SYNGR1: variants seen among roughly 807,000 people sequenced by gnomAD.
The protein encoded by SYNGR1 is synaptogyrin 1, also known as synaptogyrin-1.
SYNGR1 carries 14 observed loss-of-function variants against 26.1 expected under a neutral mutation model. That is an observed-to-expected ratio of 0.54 (90% CI 0.35 to 0.84). The LOEUF is 0.84. Ranked by LOEUF, SYNGR1 falls within the 40% of genes least tolerant of loss-of-function variation. The pLI is 0.01. For missense variants in SYNGR1, 319 were observed against 332.9 expected, an observed-to-expected ratio of 0.96 and a Z score of 0.33; for synonymous variants, 141 against 150.1, an observed-to-expected ratio of 0.94 and a Z score of 0.44.
chr22:39,376,030 G>A (rs1349262091), intron 2 of SYNGR1, 22 bp from the exon 3 acceptor site: 6 of 1,613,844 alleles, frequency 3.7e-6, no homozygotes, highest in Non-Finnish European at 5.1e-6. Context: ...TGCCTATTCT[G>A]CCCGGTCCTG....
Position 39,368,489 on chromosome 22 carries a change from C to T in SYNGR1, c.100-5827C>T, listed in dbSNP as rs147926744. On this transcript the variant is annotated intron_variant, in intron 1 of 3. Transcript: ENST00000328933. ...GAAACTTGTGACCTGTGATGAATGC[C>T]TGACCGAGGCGGGTGTCTGCTGGGG... Among the ~76,000 whole-genome samples the T allele has an allele frequency of 1.9e-3, 288 of 152,344 alleles. 1 individual carries two copies. The highest frequency in any genetic ancestry group is 6.6e-3 in the African/African-American group (273 of 41,570).
At chr22:39,354,475 A>C (rs185374169) in intron 1 of SYNGR1, among the ~76,000 whole-genome samples, 1 of 152,092 alleles carries the variant, frequency 6.6e-6, no homozygotes, top group South Asian at 2.1e-4. Flanking sequence ...TGAGGGGGGC[A>C]GCTTCATACC....
intron 3 of SYNGR1, chr22:39,378,093 G>A (rs1925367646): frequency 8.5e-7 from 1 of 1,180,502 alleles, no homozygotes; most frequent in Non-Finnish European, 1.1e-6. Flanking sequence ...TTGCTGAGCT[G>A]TGGGTGCAGA....
chr22:39,376,219 C>G (rs1925276812), intron 3 of SYNGR1, 22 bp downstream of exon 3: 1 of 1,613,748 alleles, frequency 6.2e-7, no homozygotes, highest in Non-Finnish European at 8.5e-7. Context: ...CACCGCGCAC[C>G]AGCCCACACT....
Position 39,350,129 on chromosome 22 carries a change from C to T in SYNGR1, c.99+20C>T. The T allele has an allele frequency of 2.8e-6, 4 of 1,403,848 alleles. No homozygotes were observed. The highest frequency in any genetic ancestry group is 3.8e-6 in the Non-Finnish European group (4 of 1,060,214). The allele number at this position is 1,403,848 out of a possible 1,614,324, so 87.0% of individuals were successfully genotyped here. A position where few individuals can be genotyped will look rare whatever the true frequency, so the allele number is the denominator to read the frequency against. On this transcript the variant is annotated intron_variant, in intron 1 of 3. Coordinates refer to ENST00000328933, the MANE Select transcript of SYNGR1 (RefSeq NM_004711.5). The surrounding 1 kb of genome is among the most constrained non-coding windows in gnomAD (Gnocchi z 4.3). ...TCTTGGGTAAGGACGGACTGGCCGA[C>T]GGCTCTGCCAGGCCGGGGTGGTGGG...
Position 39,381,656 on chromosome 22 carries a change from C to G in SYNGR1, c.484-40C>G, listed in dbSNP as rs756564660. 4.3e-6 allele frequency: 7 copies of G among 1,609,272 alleles called. No individual in the cohort carries two copies. The South Asian group carries it at 7.7e-5, about 18-fold the overall frequency. On this transcript the variant is annotated intron_variant, in intron 3 of 3. Coordinates refer to ENST00000328933, the MANE Select transcript of SYNGR1 (RefSeq NM_004711.5). ...TTGTCTGTCTCTCCCCTAACCACCC[C>G]CTCCCGCCTGTCCTTGTCCTCGCCG...
chr22:39,370,774 C>G (rs1173956644), intron 1 of SYNGR1, among the ~76,000 whole-genome samples: 3 of 152,066 alleles, frequency 2.0e-5, no homozygotes, highest in Non-Finnish European at 2.9e-5. Flanking sequence ...TGTGCCACCA[C>G]GCCCAGCTAA....
intron 1 of SYNGR1, among the ~76,000 whole-genome samples, chr22:39,366,814 C>T (rs1454348744): frequency 6.6e-6 from 1 of 152,202 alleles, no homozygotes; most frequent in East Asian, 1.9e-4. Context: ...TCTGATTCTT[C>T]TCAAACCTAA....
chr22:39,366,266 G>A (rs1157037012), intron 1 of SYNGR1, among the ~76,000 whole-genome samples: 1 of 151,736 alleles, frequency 6.6e-6, no homozygotes, highest in Non-Finnish European at 1.5e-5. Context: ...TGGGATCACA[G>A]GCGTGAGCCA....
intron 1 of SYNGR1, among the ~76,000 whole-genome samples, chr22:39,361,730 C>T (rs1288450461): frequency 6.6e-6 from 1 of 152,024 alleles, no homozygotes; most frequent in Non-Finnish European, 1.5e-5. Flanking sequence ...ATGGGTACAA[C>T]AGCGCCTACC....
rs528113909 is a variant in SYNGR1 at position 39,384,006 on chromosome 22, C to T, written c.*2092C>T. ...AGGGGCTCTGTCCACAGTCCCCCGC[C>T]GCCAGGTGGCCCACATGGGACCAGC... On this transcript the variant is annotated 3_prime_UTR_variant, in exon 4 of 4. Transcript: ENST00000328933. 196 of 152,564 alleles carry T rather than the reference C, an allele frequency of 1.3e-3. 2 individuals carry two copies. Among genetic ancestry groups the T allele is most frequent in the South Asian group, 2.5e-3 (12 of 4,830 alleles). 9.5% of individuals were successfully genotyped at this position (152,564 alleles called of 1,614,324 possible).
intron 1 of SYNGR1, among the ~76,000 whole-genome samples, chr22:39,358,401 C>G (rs1339352631): frequency 1.3e-5 from 2 of 152,242 alleles, no homozygotes; most frequent in Non-Finnish European, 2.9e-5. Flanking sequence ...GCAACCTGCT[C>G]AGTTCCAAAG....
chr22:39,378,455 CAT>C (rs1320063371), intron 3 of SYNGR1: 5 of 985,034 alleles, frequency 5.1e-6, no homozygotes, highest in Non-Finnish European at 6.0e-6. Context: ...GAGTAATTCT[CAT>C]GTGATGAATC....
intron 3 of SYNGR1, chr22:39,377,408 G>T (rs1214612281): frequency 2.0e-6 from 2 of 985,450 alleles, no homozygotes; most frequent in African/African-American, 3.5e-5. Flanking sequence ...AGGTGCCCCA[G>T]AAGTGGGGAC....
intron 1 of SYNGR1, among the ~76,000 whole-genome samples, chr22:39,353,107 C>T (rs1923987908): frequency 6.6e-6 from 1 of 152,234 alleles, no homozygotes; most frequent in African/African-American, 2.4e-5. Flanking sequence ...GGTGATCCAC[C>T]TGCCTTGGCC....
intron 1 of SYNGR1, among the ~76,000 whole-genome samples, chr22:39,356,442 G>A (rs1055889131): frequency 1.1e-4 from 17 of 152,212 alleles, no homozygotes; most frequent in Non-Finnish European, 1.8e-4. Context: ...GCCCAGAGAG[G>A]TTAACTGGAG....
In SYNGR1 at chr22:39,377,095, C is replaced by T. The variant is rs532929346; in HGVS notation, c.483+898C>T. ...CACAGCTGCCTCCCCTCTGGACCGGCGAGCACTTCTGGGCCCAGCCTCCTG... is the reference window on the plus strand; with the variant it reads ...CACAGCTGCCTCCCCTCTGGACCGGTGAGCACTTCTGGGCCCAGCCTCCTG... On this transcript the variant is annotated intron_variant, in intron 3 of 3. Coordinates refer to ENST00000328933, the MANE Select transcript of SYNGR1 (RefSeq NM_004711.5). The T allele has an allele frequency of 3.0e-4, 462 of 1,548,662 alleles. 2 individuals are homozygous for T. The highest frequency in any genetic ancestry group is 2.2e-3 in the South Asian group (183 of 83,802).
intron 1 of SYNGR1, among the ~76,000 whole-genome samples, chr22:39,371,476 CAAA>C (rs370784123): frequency 1.6e-4 from 19 of 121,850 alleles, no homozygotes; most frequent in Admixed American, 1.6e-4. Flanking sequence ...AAGTCCATCT[CAAA>C]AAAAAAAAAA....
intron 1 of SYNGR1, among the ~76,000 whole-genome samples, chr22:39,362,749 C>T (rs537483663): frequency 1.3e-5 from 2 of 152,184 alleles, no homozygotes; most frequent in South Asian, 4.2e-4. Context: ...AGGGAGTGAG[C>T]TCCCTGTGCA....
Sources: gnomAD v4.1 joint callset for allele counts (sites outside exome capture counted in the v4.1 genomes callset) on GRCh38, gnomAD v4.1.1 for gene constraint, Gnocchi (gnomAD v3.1) non-coding constraint, MANE v1.5 for transcripts, NCBI Gene and HGNC (gene_info 2026-07-23, HGNC 2026-07-21) for gene names.